CPED1: variants seen among roughly 807,000 people sequenced by gnomAD.
CPED1 encodes cadherin-like and PC-esterase domain-containing protein 1.
In CPED1, 114 loss-of-function variants were observed where a neutral mutation model predicts 128.2. The observed-to-expected ratio is 0.89, with a 90% CI of 0.76 to 1.04. The LOEUF (loss-of-function observed/expected upper bound fraction) is 1.04. Among genes scored for constraint, CPED1 ranks in the 50% least tolerant of loss-of-function variants. The pLI is 0.00. For synonymous variants in CPED1, 462 were observed against 426.7 expected (o/e 1.08, Z -1.02); for missense variants, 1,211 against 1,207.1 (o/e 1.00, Z -0.05).
intron 22 of CPED1, among the ~76,000 whole-genome samples, chr7:121,285,924 A>G (rs1278916154): frequency 6.6e-6 from 1 of 152,180 alleles, no homozygotes; most frequent in Non-Finnish European, 1.5e-5. Context: ...AGTCCCCACT[A>G]CTAGGTACCA....
rs1410448029 is a variant in CPED1 at position 121,268,397 on chromosome 7, T to C, written c.2721+1095T>C. ...AGCACTTACTATGTGCCAGATATTG[T>C]GTTAAACATTATGACTGCCACCTGA... is the stretch of plus-strand genomic sequence containing the variant. On this transcript the variant is annotated intron_variant, in intron 21 of 22. Coordinates refer to ENST00000310396, the MANE Select transcript of CPED1 (RefSeq NM_024913.5). 4.6e-5 allele frequency among the ~76,000 whole-genome samples: 7 copies of C among 152,206 alleles called. No individual in the cohort carries two copies. In the East Asian group the frequency reaches 1.4e-3, roughly 30 times the overall value.
chr7:121,064,119 G>T, intron 4 of CPED1, 119 bp from the exon 5 acceptor site: 1 of 643,886 alleles, frequency 1.6e-6, no homozygotes, highest in East Asian at 2.6e-5. Flanking sequence ...TTGAAGGTGG[G>T]GTGTGGGTGG....
chr7:121,184,431 T>A (rs1393436505), intron 16 of CPED1, among the ~76,000 whole-genome samples: 1 of 152,220 alleles, frequency 6.6e-6, no homozygotes, highest in Non-Finnish European at 1.5e-5. Context: ...ACCCTAAAGC[T>A]GCTTTTAATT....
chr7:121,122,743 C>G (rs1247547884), intron 7 of CPED1, among the ~76,000 whole-genome samples: 1 of 152,110 alleles, frequency 6.6e-6, no homozygotes, highest in Non-Finnish European at 1.5e-5. Context: ...TGAATGGCAT[C>G]CCATATTTAA....
At chr7:121,084,158 AC>A (rs1794363667) in intron 5 of CPED1, among the ~76,000 whole-genome samples, 1 of 152,120 alleles carries the variant, frequency 6.6e-6, no homozygotes, top group Admixed American at 6.6e-5. Context: ...ATATCCTGTT[AC>A]TAACCACTAC....
chr7:121,221,309 C>T (rs538890285), intron 16 of CPED1, among the ~76,000 whole-genome samples: 15 of 152,290 alleles, frequency 9.8e-5, no homozygotes, highest in African/African-American at 3.6e-4. Flanking sequence ...TTTTTAATGG[C>T]TGCATAGTAT....
At chr7:121,202,773 C>T (rs1383241331) in intron 16 of CPED1, among the ~76,000 whole-genome samples, 1 of 152,052 alleles carries the variant, frequency 6.6e-6, no homozygotes, top group East Asian at 1.9e-4. Context: ...AATAGATACC[C>T]ATTTTGCAAG....
At chr7:121,130,384 C>T in intron 12 of CPED1, 90 bp downstream of exon 12, 1 of 979,168 alleles carries the variant, frequency 1.0e-6, no homozygotes, top group Non-Finnish European at 1.5e-6. Context: ...TTAAAGCAAG[C>T]AGCAACAACA....
intron 7 of CPED1, among the ~76,000 whole-genome samples, chr7:121,104,489 C>CT (rs922213194): frequency 2.6e-4 from 39 of 152,216 alleles, no homozygotes; most frequent in Non-Finnish European, 5.0e-4. Flanking sequence ...ATATCTGTAA[C>CT]TTTTTATGAT....
At chr7:121,240,519 A>C (rs10480747) in intron 17 of CPED1, among the ~76,000 whole-genome samples, 43,088 of 152,044 alleles carry the variant, frequency 0.28, 6,610 homozygotes, top group Middle Eastern at 0.4. Flanking sequence ...TCGCTAAGTA[A>C]ATTCAGCTTT....
At chr7:121,160,149 A>G (rs1018612746) in intron 16 of CPED1, among the ~76,000 whole-genome samples, 40 of 152,056 alleles carry the variant, frequency 2.6e-4, no homozygotes, top group Admixed American at 2.6e-3. Context: ...TTATGGATAT[A>G]TAGTAGGTGT....
At chr7:121,190,281 G>T (rs544366067) in intron 16 of CPED1, among the ~76,000 whole-genome samples, 2 of 151,400 alleles carry the variant, frequency 1.3e-5, no homozygotes, top group East Asian at 3.9e-4. Flanking sequence ...AAAGCCCTGG[G>T]GTGTGCACAT....
intron 2 of CPED1, among the ~76,000 whole-genome samples, chr7:121,002,527 C>T (rs1791888676): frequency 6.6e-6 from 1 of 152,154 alleles, no homozygotes; most frequent in Admixed American, 6.6e-5. Flanking sequence ...AACTCCCAAT[C>T]ATACAAGCTA....
At chr7:121,116,677 A>T (rs1021103421) in intron 7 of CPED1, among the ~76,000 whole-genome samples, 4 of 152,188 alleles carry the variant, frequency 2.6e-5, no homozygotes, top group African/African-American at 7.2e-5. Flanking sequence ...GATCAAAAAC[A>T]CAAAGGCAGA....
At chr7:121,000,723 C>T (rs1791830769) in intron 2 of CPED1, among the ~76,000 whole-genome samples, 1 of 152,128 alleles carries the variant, frequency 6.6e-6, no homozygotes, top group Non-Finnish European at 1.5e-5. Context: ...ATCTTCAGCA[C>T]AGCTTTCAAT....
At chr7:121,011,469 G>T (rs1792162286) in intron 2 of CPED1, among the ~76,000 whole-genome samples, 1 of 152,066 alleles carries the variant, frequency 6.6e-6, no homozygotes, top group South Asian at 2.1e-4. Context: ...ACCACTTTCT[G>T]TTCCCAGTCT....
chr7:120,995,845 A>G (rs997701430), intron 2 of CPED1, among the ~76,000 whole-genome samples: 4 of 151,998 alleles, frequency 2.6e-5, no homozygotes, highest in Non-Finnish European at 4.4e-5. Context: ...AGACCACAAC[A>G]TTCTTCAGTT....
Position 121,114,573 on chromosome 7 carries a change from G to A in CPED1, c.919-9758G>A, listed in dbSNP as rs141598134. Reference sequence around the variant, plus strand: ...GGTATAAAAACTTTCAAAATTTAGGGGGAAGCTGTAAAACCTAGAATGATT... The same window carrying A: ...GGTATAAAAACTTTCAAAATTTAGGAGGAAGCTGTAAAACCTAGAATGATT... On this transcript the variant is annotated intron_variant, in intron 7 of 22. Coordinates refer to ENST00000310396, the MANE Select transcript of CPED1 (RefSeq NM_024913.5). Among the ~76,000 whole-genome samples, 573 of 152,274 alleles carry A rather than the reference G, an allele frequency of 3.8e-3. 1 individual carries two copies. Among genetic ancestry groups the A allele is most frequent in the Non-Finnish European group, 5.8e-3 (394 of 68,022 alleles).
intron 4 of CPED1, among the ~76,000 whole-genome samples, chr7:121,048,012 C>G (rs547941253): frequency 1.5e-4 from 23 of 152,186 alleles, no homozygotes; most frequent in African/African-American, 5.3e-4. Flanking sequence ...ACTTTTTTGG[C>G]ATTTGGGCTG....
Sources: gnomAD v4.1 joint callset for allele counts (sites outside exome capture counted in the v4.1 genomes callset) on GRCh38, gnomAD v4.1.1 for gene constraint, MANE v1.5 for transcripts, NCBI Gene and HGNC (gene_info 2026-07-23, HGNC 2026-07-21) for gene names.